CSK: variants seen among roughly 807,000 people sequenced by gnomAD.
The protein encoded by CSK is tyrosine-protein kinase CSK.
Under a neutral mutation model 62.3 loss-of-function variants are expected in CSK, and 7 were observed. The ratio of observed to expected loss-of-function variants is 0.11; its 90% CI spans 0.06 to 0.21. The LOEUF (loss-of-function observed/expected upper bound fraction) is 0.21. Ranked by LOEUF, CSK falls within the 10% of genes least tolerant of loss-of-function variation. CSK has a pLI of 1.00. For missense variants in CSK, 294 were observed against 613.5 expected (o/e 0.48, Z 5.50); for synonymous variants, 237 against 246.0 (o/e 0.96, Z 0.34).
At chr15:74,801,394 G>A (rs1441155032) in intron 9 of CSK, 128 bp from the exon 10 acceptor site, 2 of 862,456 alleles carry the variant, frequency 2.3e-6, no homozygotes, top group Middle Eastern at 3.6e-4. Flanking sequence ...GGATGTTCTG[G>A]CCCCTCCCCA....
intron 1 of CSK, among the ~76,000 whole-genome samples, chr15:74,785,999 TC>T (rs1567214190): frequency 1.1e-4 from 9 of 84,902 alleles, no homozygotes; most frequent in African/African-American, 3.8e-4. Flanking sequence ...TCTCTCTCTC[TC>T]TCTTTTTTTT....
Position 74,801,055 on chromosome 15 carries a change from G to A in CSK, c.766G>A (p.Val256Met), listed in dbSNP as rs766534464. The A allele has an allele frequency of 5.6e-6, 9 of 1,613,282 alleles. No homozygotes were observed. Among genetic ancestry groups the A allele is most frequent in the African/African-American group, 4.0e-5 (3 of 74,910 alleles). Reference sequence around the variant, plus strand: ...CCTGGTGCAGCTCCTGGGCGTGATCGTGGAGGAGAAGGGCGGGCTCTACAT... The same window carrying A: ...CCTGGTGCAGCTCCTGGGCGTGATCATGGAGGAGAAGGGCGGGCTCTACAT... ...SNLVQLLGVI[V>M]EEKGGLYIVT... The change falls in exon 9 of 13, where the codon GTG becomes ATG. Residue 256 changes from valine to methionine, a missense_variant. Physicochemically the swap from Val to Met is conservative, Grantham distance 21 (BLOSUM62 1). Transcript: ENST00000220003.
rs1316013553 is a variant in CSK, at chr15:74,802,153, T to C, written c.1170+70T>C. The C allele has an allele frequency of 4.0e-6, 6 of 1,514,732 alleles. No homozygotes were observed. The East Asian group carries it at 1.1e-4, about 28-fold the overall frequency. 93.8% of individuals were successfully genotyped at this position (1,514,732 alleles called of 1,614,324 possible). ...GGGGTTGGCAGGGGCGTGAGCCTCCTTGGGCCCTGCCTCCCCAATCAAGGC... is the reference window on the plus strand; with the variant it reads ...GGGGTTGGCAGGGGCGTGAGCCTCCCTGGGCCCTGCCTCCCCAATCAAGGC... On this transcript the variant is annotated intron_variant, in intron 12 of 12. Transcript: ENST00000220003.
chr15:74,795,775 A>G (rs1411201080), intron 1 of CSK, among the ~76,000 whole-genome samples: 2 of 152,200 alleles, frequency 1.3e-5, no homozygotes, highest in African/African-American at 4.8e-5. Flanking sequence ...AAAATCATAT[A>G]TTAACTTTTG....
At chr15:74,795,230 T>G (rs117618569) in intron 1 of CSK, among the ~76,000 whole-genome samples, 1 of 152,128 alleles carries the variant, frequency 6.6e-6, no homozygotes, top group South Asian at 2.1e-4. Flanking sequence ...AGGGAGCCTG[T>G]CTGAGCTCTG....
intron 1 of CSK, among the ~76,000 whole-genome samples, chr15:74,789,338 GAC>G (rs2063580892): frequency 6.6e-6 from 1 of 152,194 alleles, no homozygotes; most frequent in Admixed American, 6.5e-5. Flanking sequence ...CTCACCCTGA[GAC>G]ACCTGTGCAG....
chr15:74,802,575 G>A lies in CSK; in HGVS notation c.*62G>A. 1 of 1,580,220 alleles carries A rather than the reference G, an allele frequency of 6.3e-7. No individual in the cohort carries two copies. Among genetic ancestry groups the A allele is most frequent in the South Asian group, 1.2e-5 (1 of 86,916 alleles). ...CTGAACCTGGAAGATCATGGACCTGGTGCCCCTGCTCACTGGGCCCGAGCC... is the reference window on the plus strand; with the variant it reads ...CTGAACCTGGAAGATCATGGACCTGATGCCCCTGCTCACTGGGCCCGAGCC... On this transcript the variant is annotated 3_prime_UTR_variant, in exon 13 of 13. Transcript: ENST00000220003.
chr15:74,783,723 T>C (rs923119308), intron 1 of CSK, among the ~76,000 whole-genome samples: 2 of 152,194 alleles, frequency 1.3e-5, no homozygotes, highest in African/African-American at 4.8e-5. Context: ...CTGGGTCAGC[T>C]AGCAGGAGAT....
At chr15:74,792,375 C>A (rs1282845193) in intron 1 of CSK, among the ~76,000 whole-genome samples, 1 of 152,060 alleles carries the variant, frequency 6.6e-6, no homozygotes, top group East Asian at 1.9e-4. Context: ...GGTGTCCTGG[C>A]AACAGCAGAT....
chr15:74,802,098 T>C lies in CSK; in HGVS notation c.1170+15T>C, dbSNP rs540733729. 3.1e-4 allele frequency: 495 copies of C among 1,612,450 alleles called. 5 individuals carry two copies. The South Asian group carries it at 5.3e-3, about 17-fold the overall frequency. ...ATCCAAGAATTGTGAGTATGGGTAC[T>C]GGGATCAGGGTGGCTCTTGGAGCAC... On this transcript the variant is annotated intron_variant, in intron 12 of 12. Coordinates refer to ENST00000220003, the MANE Select transcript of CSK (RefSeq NM_004383.3).
At chr15:74,793,359 C>T (rs141587119) in intron 1 of CSK, 86 of 152,958 alleles carry the variant, frequency 5.6e-4, no homozygotes, top group Non-Finnish European at 1.1e-3. Flanking sequence ...CCCTGAGCAC[C>T]GCCCCTGTGC....
intron 1 of CSK, among the ~76,000 whole-genome samples, chr15:74,796,296 T>C (rs906629492): frequency 6.6e-6 from 1 of 151,600 alleles, no homozygotes. Context: ...GGGATCATTA[T>C]GAAGGTCTTC....
intron 5 of CSK, among the ~76,000 whole-genome samples, chr15:74,800,175 G>A (rs2063766915): frequency 6.6e-6 from 1 of 152,248 alleles, no homozygotes; most frequent in Admixed American, 6.5e-5. Flanking sequence ...GGGGCCCAGA[G>A]TGGTAGCAGC....
intron 6 of CSK, 68 bp downstream of exon 6, chr15:74,800,573 C>A (rs1030801077): frequency 1.9e-6 from 3 of 1,558,504 alleles, no homozygotes; most frequent in Non-Finnish European, 2.6e-6. Flanking sequence ...TGGCACTGCC[C>A]CATCCAGGAA....
intron 1 of CSK, among the ~76,000 whole-genome samples, chr15:74,789,420 C>T: frequency 6.6e-6 from 1 of 152,196 alleles, no homozygotes; most frequent in East Asian, 1.9e-4. Context: ...CCTTCCTTGC[C>T]TGATGTGTGG....
intron 1 of CSK, among the ~76,000 whole-genome samples, chr15:74,794,384 C>T (rs990182342): frequency 3.3e-5 from 5 of 150,664 alleles, no homozygotes; most frequent in Admixed American, 2.6e-4. Flanking sequence ...CCCCCACCCT[C>T]ACAGCTTACA....
At chr15:74,789,796 G>A (rs1044985706) in intron 1 of CSK, among the ~76,000 whole-genome samples, 7 of 152,250 alleles carry the variant, frequency 4.6e-5, no homozygotes, top group Admixed American at 1.3e-4. Flanking sequence ...AAGCCTTCCC[G>A]GGTGGCCCCT....
intron 1 of CSK, chr15:74,793,349 C>T (rs1474157768): frequency 1.3e-5 from 2 of 152,796 alleles, no homozygotes; most frequent in Non-Finnish European, 2.9e-5. Context: ...GCTTACCCTT[C>T]CCTGAGCACC....
intron 1 of CSK, among the ~76,000 whole-genome samples, chr15:74,789,288 G>A (rs1007981596): frequency 6.6e-6 from 1 of 152,234 alleles, no homozygotes. Context: ...CCCGGGAGGT[G>A]TAGGCATCTC....
Sources: gnomAD v4.1 joint callset for allele counts (sites outside exome capture counted in the v4.1 genomes callset) on GRCh38, gnomAD v4.1.1 for gene constraint, MANE v1.5 for transcripts, NCBI Gene and HGNC (gene_info 2026-07-23, HGNC 2026-07-21) for gene names.